Variants in CDH18 observed in about 807,000 individuals in gnomAD.
CDH18 encodes the protein cadherin 18.
CDH18 carries 31 observed loss-of-function variants against 67.9 expected under a neutral mutation model. The ratio of observed to expected loss-of-function variants is 0.46; its 90% confidence interval spans 0.34 to 0.62. The LOEUF (loss-of-function observed/expected upper bound fraction) is 0.62, where lower values mean the gene tolerates loss of function less well. Among genes scored for constraint, CDH18 ranks in the 20% least tolerant of loss-of-function variants. The pLI, the probability that CDH18 is intolerant of heterozygous loss-of-function variation, is 0.01. For missense variants in CDH18, 890 were observed against 975.5 expected (o/e 0.91, Z 1.17); for synonymous variants, 362 against 347.2 (o/e 1.04, Z -0.48).
intron 2 of CDH18, among the ~76,000 whole-genome samples, chr5:19,852,104 A>G (rs192937748): frequency 1.2e-4 from 19 of 152,136 alleles, no homozygotes; most frequent in African/African-American, 4.6e-4. Flanking sequence ...TCATTACACA[A>G]TTTGTCCTTC....
At chr5:20,235,578 T>G (rs72743073) in intron 2 of CDH18, among the ~76,000 whole-genome samples, 1,801 of 152,122 alleles carry the variant, frequency 0.012, 12 homozygotes, top group Middle Eastern at 0.031. Flanking sequence ...CAATGATAGA[T>G]CATCTCACAC....
chr5:19,721,512 A>G, intron 4 of CDH18, 46 bp from the exon 5 acceptor site: 1 of 1,574,176 alleles, frequency 6.4e-7, no homozygotes, highest in Non-Finnish European at 8.7e-7. Flanking sequence ...GGCATTTAGC[A>G]TATGATTAAT....
intron 1 of CDH18, among the ~76,000 whole-genome samples, chr5:20,466,261 G>A (rs1456001759): frequency 6.6e-6 from 1 of 151,938 alleles, no homozygotes; most frequent in Non-Finnish European, 1.5e-5. Context: ...CAAGGATAAG[G>A]AAATTATTTC....
chr5:19,606,482 C>T (rs1255515575), intron 6 of CDH18, among the ~76,000 whole-genome samples: 2 of 152,032 alleles, frequency 1.3e-5, no homozygotes, highest in East Asian at 1.9e-4. Flanking sequence ...TCTTTATCTA[C>T]TAAACCAAAT....
At chr5:19,647,632 A>T (rs892026169) in intron 5 of CDH18, among the ~76,000 whole-genome samples, 2 of 151,216 alleles carry the variant, frequency 1.3e-5, no homozygotes, top group Non-Finnish European at 2.9e-5. Context: ...AAAAGCAGTA[A>T]TGTCATCTCT....
intron 3 of CDH18, among the ~76,000 whole-genome samples, chr5:19,801,066 T>G (rs780932143): frequency 9.2e-5 from 14 of 152,036 alleles, no homozygotes; most frequent in Non-Finnish European, 1.6e-4. Context: ...GAGCTGAGAT[T>G]GCGCCACTGC....
intron 6 of CDH18, among the ~76,000 whole-genome samples, chr5:19,608,191 A>G (rs1005872328): frequency 1.5e-4 from 23 of 151,760 alleles, no homozygotes; most frequent in African/African-American, 5.6e-4. Context: ...CAGCTGCAGA[A>G]TTTATCTTAT....
At chr5:20,424,621 T>G (rs1023497726) in intron 1 of CDH18, among the ~76,000 whole-genome samples, 11 of 149,446 alleles carry the variant, frequency 7.4e-5, no homozygotes, top group Admixed American at 7.3e-4. Flanking sequence ...TGGTGGTGCA[T>G]GCCTGTAATC....
At chr5:19,769,053 T>C (rs1462643959) in intron 3 of CDH18, among the ~76,000 whole-genome samples, 1 of 151,650 alleles carries the variant, frequency 6.6e-6, no homozygotes, top group Non-Finnish European at 1.5e-5. Context: ...GACAAAAAAA[T>C]AAACAGCATA....
intron 2 of CDH18, among the ~76,000 whole-genome samples, chr5:20,251,873 A>T (rs1743885905): frequency 1.3e-5 from 2 of 152,276 alleles, no homozygotes. Context: ...AGCACTTGTA[A>T]TTTTTTTCAT....
intron 5 of CDH18, among the ~76,000 whole-genome samples, chr5:19,626,164 C>T (rs974314961): frequency 1.4e-4 from 21 of 152,048 alleles, no homozygotes; most frequent in Admixed American, 7.9e-4. Flanking sequence ...GGAGAGGACA[C>T]CACTCAAGCG....
chr5:20,181,406 C>T (rs1478050063), intron 2 of CDH18, among the ~76,000 whole-genome samples: 1 of 151,994 alleles, frequency 6.6e-6, no homozygotes, highest in Non-Finnish European at 1.5e-5. Context: ...ACTAATAGGC[C>T]TTTTGGGAGG....
Position 20,236,708 on chromosome 5 carries a change from CA to C in CDH18, c.-518+18735del, listed in dbSNP as rs541240291. On this transcript the variant is annotated intron_variant, in intron 2 of 14. Coordinates refer to the CDH18 transcript ENST00000507958. The stretch of plus-strand genomic sequence containing the variant: ...TTGAATTTGCATTTAAAAAGTTCAA[CA>C]AAGGAAATCTAGACACAGGTTTCAC... Among the ~76,000 whole-genome samples, 50 of 152,060 alleles carry C rather than the reference CA, an allele frequency of 3.3e-4. 1 individual carries two copies. In the East Asian group the frequency reaches 9.6e-3, roughly 29 times the overall value.
At chr5:19,568,722 G>A (rs372127602) in intron 8 of CDH18, among the ~76,000 whole-genome samples, 11 of 152,206 alleles carry the variant, frequency 7.2e-5, no homozygotes, top group African/African-American at 2.7e-4. Context: ...ACACACACCA[G>A]ATACCAGATA....
intron 2 of CDH18, among the ~76,000 whole-genome samples, chr5:20,050,099 T>C (rs1051767159): frequency 5.3e-5 from 8 of 151,954 alleles, no homozygotes; most frequent in African/African-American, 1.9e-4. Flanking sequence ...GTATGTGATC[T>C]AATACTTATA....
intron 5 of CDH18, among the ~76,000 whole-genome samples, chr5:19,714,822 A>T (rs1765149749): frequency 6.6e-6 from 1 of 152,026 alleles, no homozygotes; most frequent in Non-Finnish European, 1.5e-5. Context: ...TAAAAATTAC[A>T]GTTTCCAAGA....
chr5:19,473,076 C>A lies in CDH18; in HGVS notation c.*150G>T. 2 of 735,836 alleles carry A rather than the reference C, an allele frequency of 2.7e-6. No homozygotes were observed. Among genetic ancestry groups the A allele is most frequent in the Non-Finnish European group, 4.3e-6 (2 of 467,064 alleles). 45.6% of individuals were successfully genotyped at this position (735,836 alleles called of 1,614,324 possible). Reference sequence around the variant, plus strand: ...TTCTTCCAATTAAATAACCCAGTTTCGATCATGAAAAGGGCACTTGTTTCT... The same window carrying A: ...TTCTTCCAATTAAATAACCCAGTTTAGATCATGAAAAGGGCACTTGTTTCT... On this transcript the variant is annotated 3_prime_UTR_variant, in exon 13 of 13. Transcript: ENST00000382275.
In CDH18 at chr5:20,500,415, C is replaced by T. The variant is rs141301567; in HGVS notation, c.-580+75047G>A. Among the ~76,000 whole-genome samples the T allele has an allele frequency of 9.9e-3, 1,510 of 152,170 alleles. 19 individuals carry two copies. The highest frequency in any genetic ancestry group is 0.034 in the African/African-American group (1,425 of 41,520). The stretch of plus-strand genomic sequence containing the variant: ...GAAACAAATTCTAATATTTAATATA[C>T]CAAATATCCCTGGACTATAACACTA... On this transcript the variant is annotated intron_variant, in intron 1 of 14. Transcript: ENST00000507958.
At chr5:19,642,869 AG>A (rs756597174) in intron 5 of CDH18, among the ~76,000 whole-genome samples, 1 of 152,136 alleles carries the variant, frequency 6.6e-6, no homozygotes, top group Non-Finnish European at 1.5e-5. Context: ...AACAATAAAG[AG>A]AATGAAATGA....
Sources: gnomAD v4.1 joint callset for allele counts (sites outside exome capture counted in the v4.1 genomes callset) on GRCh38, gnomAD v4.1.1 for gene constraint, MANE v1.5 for transcripts, NCBI Gene and HGNC (gene_info 2026-07-23, HGNC 2026-07-21) for gene names.